PCDHGB7: variants seen among roughly 807,000 people sequenced by gnomAD.
PCDHGB7 encodes protocadherin gamma-B7.
Under a neutral mutation model 61.4 loss-of-function variants are expected in PCDHGB7, and 37 were observed. That is an observed-to-expected ratio of 0.60 (90% CI 0.46 to 0.79). The LOEUF (loss-of-function observed/expected upper bound fraction) is 0.79. Among genes scored for constraint, PCDHGB7 ranks in the 30% least tolerant of loss-of-function variants. The pLI, the probability that PCDHGB7 is intolerant of heterozygous loss-of-function variation, is 0.00. For missense variants in PCDHGB7, 1,166 were observed against 1,202.5 expected, an observed-to-expected ratio of 0.97 and a Z score of 0.45; for synonymous variants, 464 against 503.5, an observed-to-expected ratio of 0.92 and a Z score of 1.05.
chr5:141,510,400 TA>T (rs780031896), intron 3 of PCDHGB7, among the ~76,000 whole-genome samples: 12 of 151,920 alleles, frequency 7.9e-5, no homozygotes, highest in Non-Finnish European at 1.3e-4. Flanking sequence ...TGGCAAAGGC[TA>T]GGGGCATGTA....
rs1160304959 is a variant in PCDHGB7, at chr5:141,490,969, C to A, written c.2416-3838C>A. On this transcript the variant is annotated intron_variant, in intron 1 of 3. Coordinates refer to ENST00000398594, the MANE Select transcript of PCDHGB7 (RefSeq NM_018927.4). This position sits in a 1 kb window ranked among gnomAD's most constrained non-coding sequence, Gnocchi z 5.4. ...GCCAGACTGGGAACACTCAGCCCCC[C>A]AGCGTCTCCCTCGCTCTGCTCCTCC... The A allele has an allele frequency of 2.5e-6, 4 of 1,613,820 alleles. No individual in the cohort carries two copies. In the African/African-American group the frequency reaches 4.0e-5, roughly 16 times the overall value.
Position 141,512,594 on chromosome 5 carries a change from G to C in PCDHGB7, c.*1421G>C, listed in dbSNP as rs981124898. On this transcript the variant is annotated 3_prime_UTR_variant, in exon 4 of 4. Transcript: ENST00000398594. ...CACCCCCTTCTGCCCCTGGGTCCCC[G>C]GCCATCCAGCGGGGCTGCCAGAGAA... 1 of 152,812 alleles carries C rather than the reference G, an allele frequency of 6.5e-6. No homozygotes were observed. The highest frequency in any genetic ancestry group is 6.5e-5 in the Admixed American group (1 of 15,280). The allele number at this position is 152,812 out of a possible 1,614,324, so 9.5% of individuals were successfully genotyped here. A position where few individuals can be genotyped will look rare whatever the true frequency, so the allele number is the denominator to read the frequency against.
chr5:141,493,052 T>G lies in PCDHGB7; in HGVS notation c.2416-1755T>G, dbSNP rs1362566525. 6.6e-6 allele frequency among the ~76,000 whole-genome samples: 1 copy of G among 152,104 alleles called. No individual in the cohort carries two copies. The highest frequency in any genetic ancestry group is 2.4e-5 in the African/African-American group (1 of 41,416). Reference sequence around the variant, plus strand: ...CTTATGTGTGAGGAAACTACAATAGTAAAAAACACAAGTTTCTCCAACTCC... The same window carrying G: ...CTTATGTGTGAGGAAACTACAATAGGAAAAAACACAAGTTTCTCCAACTCC... On this transcript the variant is annotated intron_variant, in intron 1 of 3. Coordinates refer to ENST00000398594, the MANE Select transcript of PCDHGB7 (RefSeq NM_018927.4). This position sits in a 1 kb window ranked among gnomAD's most constrained non-coding sequence, Gnocchi z 4.3.
chr5:141,438,392 A>C (rs2097958012), intron 1 of PCDHGB7, among the ~76,000 whole-genome samples: 1 of 151,714 alleles, frequency 6.6e-6, no homozygotes, highest in African/African-American at 2.4e-5. Context: ...TTAGTTCATC[A>C]TTAACTCTCT....
Position 141,487,931 on chromosome 5 carries a change from G to A in PCDHGB7, c.2416-6876G>A. The stretch of plus-strand genomic sequence containing the variant: ...AGCACAGGAGGCTACAGTGCACAGG[G>A]TACAGTGCACCAGGCAGTCACTTGG... On this transcript the variant is annotated intron_variant, in intron 1 of 3. Transcript: ENST00000398594. The surrounding 1 kb of genome is among the most constrained non-coding windows in gnomAD (Gnocchi z 5.0). The A allele has an allele frequency of 1.6e-6, 1 of 612,954 alleles. No homozygotes were observed. The highest frequency in any genetic ancestry group is 2.8e-6 in the Non-Finnish European group (1 of 351,318). 38.0% of individuals were successfully genotyped at this position (612,954 alleles called of 1,614,324 possible). A position where few individuals can be genotyped will look rare whatever the true frequency, so the allele number is the denominator to read the frequency against.
intron 1 of PCDHGB7, among the ~76,000 whole-genome samples, chr5:141,466,909 ACTC>A (rs1249720055): frequency 6.6e-6 from 1 of 151,110 alleles, no homozygotes; most frequent in Non-Finnish European, 1.5e-5. Flanking sequence ...GTTTTTGAAA[ACTC>A]CTTGTATTAG....
intron 1 of PCDHGB7, chr5:141,421,226 C>A (rs368125665): frequency 3.7e-5 from 58 of 1,584,718 alleles, no homozygotes; most frequent in Non-Finnish European, 4.6e-5. Context: ...TTAGAGCCTG[C>A]CATGGCGAAT....
chr5:141,491,152 G>A lies in PCDHGB7; in HGVS notation c.2416-3655G>A. 1 of 1,614,168 alleles carries A rather than the reference G, an allele frequency of 6.2e-7. No homozygotes were observed. The highest frequency in any genetic ancestry group is 8.5e-7 in the Non-Finnish European group (1 of 1,179,990). On this transcript the variant is annotated intron_variant, in intron 1 of 3. Transcript: ENST00000398594. The surrounding 1 kb of genome is among the most constrained non-coding windows in gnomAD (Gnocchi z 6.9). ...CACAGCCCGGGCCTTACTGGAGGAT[G>A]ACTCTGACACCCAGCAGGTGGTGGT...
Position 141,419,939 on chromosome 5 carries a change from G to T in PCDHGB7, c.2080G>T (p.Val694Leu). The change falls in exon 1 of 4, where the codon GTG becomes TTG. Residue 694 changes from valine to leucine, a missense_variant. Coordinates refer to ENST00000398594, the MANE Select transcript of PCDHGB7 (RefSeq NM_018927.4). ...GGCTGAGATGCAGTTTTACCTGGTG[G>T]TGGCCTTGGCCTTGATTTCTGTGCT... ...SQAEMQFYLV[V>L]ALALISVLFL... The T allele has an allele frequency of 6.2e-7, 1 of 1,614,054 alleles. No homozygotes were observed.
At chr5:141,456,197 C>T (rs1353243708) in intron 1 of PCDHGB7, among the ~76,000 whole-genome samples, 1 of 152,090 alleles carries the variant, frequency 6.6e-6, no homozygotes, top group Non-Finnish European at 1.5e-5. Context: ...ATAACTCCTA[C>T]CACATTCCTC....
At chr5:141,447,011 C>T (rs1213312322) in intron 1 of PCDHGB7, among the ~76,000 whole-genome samples, 1 of 143,918 alleles carries the variant, frequency 6.9e-6, no homozygotes. Flanking sequence ...TCCTAGTGTT[C>T]AGTTTTGTTT....
Position 141,491,057 on chromosome 5 carries a change from CCTA to C in PCDHGB7, c.2416-3747_2416-3745del. On this transcript the variant is annotated intron_variant, in intron 1 of 3. Coordinates refer to ENST00000398594, the MANE Select transcript of PCDHGB7 (RefSeq NM_018927.4). The surrounding 1 kb of genome is among the most constrained non-coding windows in gnomAD (Gnocchi z 6.9). ...GATGCAGGCCACAATGCGTGGCTCTCCTACTCACTGTTGCCACAGTCCACAGCC... is the reference window on the plus strand; with the variant it reads ...GATGCAGGCCACAATGCGTGGCTCTCCTCACTGTTGCCACAGTCCACAGCC... 6.2e-7 allele frequency: 1 copy of C among 1,614,208 alleles called. No homozygotes were observed. The highest frequency in any genetic ancestry group is 8.5e-7 in the Non-Finnish European group (1 of 1,180,022).
intron 1 of PCDHGB7, chr5:141,423,665 G>A: frequency 6.6e-7 from 1 of 1,512,226 alleles, no homozygotes; most frequent in Non-Finnish European, 8.9e-7. Flanking sequence ...AATCAGGTGA[G>A]ATTTATTTCT....
chr5:141,497,466 G>T (rs1047422582), intron 2 of PCDHGB7, among the ~76,000 whole-genome samples: 2 of 152,020 alleles, frequency 1.3e-5, no homozygotes, highest in African/African-American at 4.8e-5. Flanking sequence ...TGGAGATATG[G>T]AGGAGAAGGT....
At chr5:141,423,026 G>A in intron 1 of PCDHGB7, 2 of 1,614,210 alleles carry the variant, frequency 1.2e-6, no homozygotes, top group African/African-American at 1.3e-5. Flanking sequence ...AAAGATTCAG[G>A]CCAGAACGCC....
intron 1 of PCDHGB7, chr5:141,441,364 C>T (rs533396852): frequency 6.6e-6 from 1 of 152,646 alleles, no homozygotes; most frequent in South Asian, 2.1e-4. Context: ...CAAATGGGGC[C>T]GTGGACCAGG....
intron 1 of PCDHGB7, chr5:141,433,358 CCTATCTATCTATCTAT>C (rs3074541): frequency 2.0e-4 from 99 of 504,042 alleles, no homozygotes; most frequent in East Asian, 3.1e-4. Flanking sequence ...CTACTGTCTG[CCTATCTATCTATCTAT>C]CTATCTATCT....
chr5:141,421,871 C>CT, intron 1 of PCDHGB7: 1 of 1,613,756 alleles, frequency 6.2e-7, no homozygotes, highest in East Asian at 2.2e-5. Flanking sequence ...CTCCTCACAG[C>CT]TTTAGATGGA....
In PCDHGB7 at chr5:141,420,077, C is replaced by T. The variant is rs760626443; in HGVS notation, c.2218C>T (p.Pro740Ser). The T allele has an allele frequency of 2.9e-5, 47 of 1,613,782 alleles. No homozygotes were observed. Among genetic ancestry groups the T allele is most frequent in the Admixed American group, 1.0e-4 (6 of 60,004 alleles). The stretch of plus-strand genomic sequence containing the variant: ...CTGCTCCAAGTCCGGACCTGTGGGT[C>T]CCCCCAACTACAGTGAGGGAACGTT... ...VLCSKSGPVG[P>S]PNYSEGTLPY... Residue 740 changes from proline to serine, a missense_variant, in exon 1 of 4, where the codon CCC becomes TCC. By Grantham distance (74) the Pro-to-Ser change is moderately conservative. Coordinates refer to ENST00000398594, the MANE Select transcript of PCDHGB7 (RefSeq NM_018927.4).
Sources: allele counts gnomAD v4.1 joint callset (sites outside exome capture counted in the v4.1 genomes callset), GRCh38; gene constraint gnomAD v4.1.1; non-coding constraint Gnocchi (gnomAD v3.1); transcripts MANE v1.5; gene names NCBI Gene and HGNC (gene_info 2026-07-23, HGNC 2026-07-21).